UTRN: variants seen among roughly 807,000 people sequenced by gnomAD.
UTRN encodes dystrophin-related protein 1.
Under a neutral mutation model 463.9 loss-of-function variants are expected in UTRN, and 283 were observed. That is an observed-to-expected ratio of 0.61 (90% CI 0.55 to 0.67). The LOEUF (loss-of-function observed/expected upper bound fraction) is 0.67. Among genes scored for constraint, UTRN ranks in the 30% least tolerant of loss-of-function variants. The probability of loss-of-function intolerance (pLI) is 0.00; values close to 1 mark genes in which losing one functional copy is unlikely to be tolerated. For missense variants in UTRN, 3,922 were observed against 4,084.3 expected (o/e 0.96, Z 1.08); for synonymous variants, 1,442 against 1,431.5 (o/e 1.01, Z -0.17).
intron 23 of UTRN, among the ~76,000 whole-genome samples, chr6:144,473,472 A>G (rs1790873638): frequency 6.6e-6 from 1 of 152,230 alleles, no homozygotes; most frequent in Non-Finnish European, 1.5e-5. Flanking sequence ...CTTGCATTTA[A>G]GCAAAAAGAG....
rs1562955007 is a variant in UTRN at position 144,824,603 on chromosome 6, TATATATATA to T, written c.9495-2744_9495-2736del. On this transcript the variant is annotated intron_variant, in intron 66 of 74. Coordinates refer to ENST00000367545, the MANE Select transcript of UTRN (RefSeq NM_007124.3). The stretch of plus-strand genomic sequence containing the variant: ...ATATATATATATATATATATATATA[TATATATATA>T]TCTTTTTTTTTTTTTTTTTTTTTTT... Among the ~76,000 whole-genome samples the T allele has an allele frequency of 7.7e-3, 406 of 52,648 alleles. 27 individuals carry two copies. The highest frequency in any genetic ancestry group is 0.048 in the African/African-American group (384 of 8,000). 34.5% of individuals were successfully genotyped at this position (52,648 alleles called of 152,430 possible). A position where few individuals can be genotyped will look rare whatever the true frequency, so the allele number is the denominator to read the frequency against.
intron 2 of UTRN, among the ~76,000 whole-genome samples, chr6:144,363,807 G>T (rs953817982): frequency 5.3e-5 from 8 of 152,184 alleles, no homozygotes; most frequent in Non-Finnish European, 8.8e-5. Flanking sequence ...CAATGTTGGG[G>T]CTGGAGGAAA....
intron 54 of UTRN, among the ~76,000 whole-genome samples, chr6:144,734,186 C>T (rs761206268): frequency 2.0e-5 from 3 of 152,046 alleles, no homozygotes; most frequent in African/African-American, 4.8e-5. Context: ...TCATGTACCC[C>T]GTAAATATGT....
intron 2 of UTRN, among the ~76,000 whole-genome samples, chr6:144,399,706 A>G (rs1782769858): frequency 6.6e-6 from 1 of 152,184 alleles, no homozygotes; most frequent in Non-Finnish European, 1.5e-5. Flanking sequence ...CATAGGGGAA[A>G]CAACTCCTAA....
At chr6:144,491,634 C>T (rs1793085153) in intron 32 of UTRN, among the ~76,000 whole-genome samples, 2 of 152,102 alleles carry the variant, frequency 1.3e-5, no homozygotes, top group South Asian at 2.1e-4. Context: ...TAAGGGGACA[C>T]AATCTTAGAA....
intron 2 of UTRN, among the ~76,000 whole-genome samples, chr6:144,292,228 G>T (rs1414773320): frequency 1.3e-5 from 2 of 152,130 alleles, no homozygotes; most frequent in Non-Finnish European, 2.9e-5. Context: ...AAATTGAAGG[G>T]ATTATATGCT....
Position 144,583,267 on chromosome 6 carries a change from C to T in UTRN, c.7479+5979C>T, listed in dbSNP as rs190933297. The T allele has an allele frequency of 9.8e-6, 4 of 407,842 alleles. No individual in the cohort carries two copies. The East Asian group carries it at 1.1e-4, about 11-fold the overall frequency. The allele number at this position is 407,842 out of a possible 1,614,324, so 25.3% of individuals were successfully genotyped here. On this transcript the variant is annotated intron_variant, in intron 51 of 74. Coordinates refer to ENST00000367545, the MANE Select transcript of UTRN (RefSeq NM_007124.3). The stretch of plus-strand genomic sequence containing the variant: ...AGCAAGTGCTGCCTGTGAGCATCTG[C>T]TGGGGGGCTTTCTCTGTGGCGTTTG...
chr6:144,488,712 G>A lies in UTRN; in HGVS notation c.4012G>A (p.Val1338Met), dbSNP rs748182477. 6.2e-6 allele frequency: 10 copies of A among 1,613,226 alleles called. No homozygotes were observed. The East Asian group carries it at 1.1e-4, about 18-fold the overall frequency. ...GATTTCTTTGGAAAAGCAACTCCAG[G>A]TGCTGCGGGAAACTGACCAGATGCT... ...KQISLEKQLQVLRETDQMLQV... is the reference protein window; with the variant it reads ...KQISLEKQLQMLRETDQMLQV... Residue 1338 changes from valine to methionine, a missense_variant, in exon 30 of 75, where the codon GTG becomes ATG. Coordinates refer to ENST00000367545, the MANE Select transcript of UTRN (RefSeq NM_007124.3).
At chr6:144,462,499 GT>G (rs2128561927) in intron 22 of UTRN, among the ~76,000 whole-genome samples, 154 bp from the exon 23 acceptor site, 1 of 152,290 alleles carries the variant, frequency 6.6e-6, no homozygotes, top group South Asian at 2.1e-4. Flanking sequence ...TTCCACAGTG[GT>G]TGAACTAATT....
chr6:144,691,501 T>TC (rs397801003), intron 52 of UTRN, among the ~76,000 whole-genome samples: 5 of 152,206 alleles, frequency 3.3e-5, no homozygotes, highest in Admixed American at 6.5e-5. Context: ...TCCTTTTTTT[T>TC]CCTGAATTTT....
chr6:144,506,607 G>T (rs1170300284), intron 34 of UTRN, among the ~76,000 whole-genome samples: 3 of 152,186 alleles, frequency 2.0e-5, no homozygotes, highest in Non-Finnish European at 4.4e-5. Context: ...CTTCTGGCTT[G>T]TAGGTTTTCT....
intron 60 of UTRN, among the ~76,000 whole-genome samples, chr6:144,777,387 C>T (rs190754413): frequency 6.6e-6 from 1 of 152,134 alleles, no homozygotes; most frequent in East Asian, 1.9e-4. Context: ...CACTCTGTTC[C>T]ATTTATATGT....
At position 144,835,644 on chromosome 6, in the gene UTRN, G is replaced by T. The variant is rs9403616; in HGVS notation, c.9666-136G>T. 1.2e-5 allele frequency: 13 copies of T among 1,051,976 alleles called. No homozygotes were observed. In the East Asian group the frequency reaches 2.9e-4, roughly 23 times the overall value. 65.2% of individuals were successfully genotyped at this position (1,051,976 alleles called of 1,614,324 possible). A position where few individuals can be genotyped will look rare whatever the true frequency, so the allele number is the denominator to read the frequency against. On this transcript the variant is annotated intron_variant, in intron 69 of 74. Coordinates refer to ENST00000367545, the MANE Select transcript of UTRN (RefSeq NM_007124.3). ...CTTCTTCCTAGAGTTTTAAAAGGGA[G>T]GTCATGGAGACACTGAGCTCTAAGA...
chr6:144,423,877 A>C, intron 5 of UTRN, 109 bp from the exon 6 acceptor site: 1 of 1,136,584 alleles, frequency 8.8e-7, no homozygotes, highest in Non-Finnish European at 1.3e-6. Flanking sequence ...AATTTCTCTT[A>C]TCTCTCACTT....
intron 60 of UTRN, among the ~76,000 whole-genome samples, chr6:144,775,915 G>T (rs1009108324): frequency 1.3e-5 from 2 of 152,184 alleles, no homozygotes; most frequent in Non-Finnish European, 2.9e-5. Context: ...CAGAAGGGAC[G>T]CTTCTCCAAC....
At chr6:144,655,726 A>G (rs1779250989) in intron 51 of UTRN, among the ~76,000 whole-genome samples, 1 of 152,200 alleles carries the variant, frequency 6.6e-6, no homozygotes, top group Admixed American at 6.5e-5. Flanking sequence ...AGTTTTAAAA[A>G]TTGTCTTTAG....
At chr6:144,309,247 G>A (rs1443425863) in intron 2 of UTRN, among the ~76,000 whole-genome samples, 3 of 152,184 alleles carry the variant, frequency 2.0e-5, no homozygotes, top group Admixed American at 6.5e-5. Flanking sequence ...CACTGTTGCC[G>A]TTTGTCATCT....
intron 34 of UTRN, among the ~76,000 whole-genome samples, chr6:144,502,514 G>T (rs909542825): frequency 2.6e-5 from 4 of 151,942 alleles, no homozygotes; most frequent in Non-Finnish European, 4.4e-5. Flanking sequence ...GTGGTGTTTG[G>T]TTTTCTGTTC....
intron 51 of UTRN, among the ~76,000 whole-genome samples, chr6:144,615,773 TACATA>T (rs72302081): frequency 0.066 from 9,982 of 152,098 alleles, 926 homozygotes; most frequent in East Asian, 0.52. Flanking sequence ...TTGAAGCAAA[TACATA>T]ACATAAGTTA....
Sources: gnomAD v4.1 joint callset for allele counts (sites outside exome capture counted in the v4.1 genomes callset) on GRCh38, gnomAD v4.1.1 for gene constraint, MANE v1.5 for transcripts, NCBI Gene and HGNC (gene_info 2026-07-23, HGNC 2026-07-21) for gene names.